TTLL5: variants seen among roughly 807,000 people sequenced by gnomAD.
TTLL5 encodes tubulin polyglutamylase TTLL5.
Under a neutral mutation model 168.4 loss-of-function variants are expected in TTLL5, and 132 were observed. That is an observed-to-expected ratio of 0.78 (90% CI 0.68 to 0.91). The LOEUF (loss-of-function observed/expected upper bound fraction) is 0.91, where lower values mean the gene tolerates loss of function less well. Ranked by LOEUF, TTLL5 falls within the 40% of genes least tolerant of loss-of-function variation. TTLL5 has a pLI of 0.00. For synonymous variants in TTLL5, 546 were observed against 558.6 expected (o/e 0.98, Z 0.32); for missense variants, 1,545 against 1,581.5 (o/e 0.98, Z 0.39).
chr14:75,686,586 A>G (rs1282734714), intron 5 of TTLL5, among the ~76,000 whole-genome samples: 1 of 152,200 alleles, frequency 6.6e-6, no homozygotes, highest in Non-Finnish European at 1.5e-5. Context: ...TTTCCTGGAC[A>G]GTCCTTTTTA....
At chr14:75,674,756 C>A (rs1328731663) in intron 3 of TTLL5, among the ~76,000 whole-genome samples, 1 of 151,872 alleles carries the variant, frequency 6.6e-6, no homozygotes, top group African/African-American at 2.4e-5. Flanking sequence ...TATATACTAG[C>A]AATAGATGTA....
chr14:75,724,177 G>C (rs916238308), intron 12 of TTLL5, among the ~76,000 whole-genome samples: 1 of 152,114 alleles, frequency 6.6e-6, no homozygotes, highest in African/African-American at 2.4e-5. Flanking sequence ...CCATCTTATG[G>C]ATCTCTGCCA....
chr14:75,743,653 C>T (rs1889413476), intron 15 of TTLL5, among the ~76,000 whole-genome samples: 1 of 138,890 alleles, frequency 7.2e-6, no homozygotes, highest in African/African-American at 2.7e-5. Context: ...GTGATCTCAG[C>T]TCACTGCATG....
In TTLL5 at chr14:75,663,175, T is replaced by C. The variant is rs1890864097; in HGVS notation, c.26T>C (p.Leu9Pro). ...ATGCCAATCGTGATGGCCCGGGACC[T>C]GGAGGAAACAGCATCATCCTCAGAG... is the stretch of plus-strand genomic sequence containing the variant. MPIVMARD[L>P]EETASSSEDE... The change falls in exon 2 of 32, where the codon CTG (leucine) becomes CCG (proline). Residue 9 changes from leucine to proline, a missense_variant. Coordinates refer to ENST00000298832, the MANE Select transcript of TTLL5 (RefSeq NM_015072.5). 2 of 1,613,654 alleles carry C rather than the reference T, an allele frequency of 1.2e-6. No homozygotes were observed. The highest frequency in any genetic ancestry group is 2.7e-5 in the African/African-American group (2 of 74,908).
At chr14:75,931,315 G>C (rs533361621) in intron 31 of TTLL5, among the ~76,000 whole-genome samples, 1 of 152,154 alleles carries the variant, frequency 6.6e-6, no homozygotes, top group South Asian at 2.1e-4. Context: ...CCCCTCCTCT[G>C]GTCCCTCCTG....
intron 27 of TTLL5, among the ~76,000 whole-genome samples, chr14:75,813,258 CTGTGTGTGTGTTTGTGTG>C (rs1894168884): frequency 8.6e-6 from 1 of 116,594 alleles, no homozygotes; most frequent in African/African-American, 3.4e-5. Context: ...TATCCAGGCA[CTGTGTGTGTGTTTGTGTG>C]TGTGTGTGTG....
intron 28 of TTLL5, among the ~76,000 whole-genome samples, chr14:75,822,546 C>T (rs1407763809): frequency 6.6e-6 from 1 of 152,160 alleles, no homozygotes; most frequent in Non-Finnish European, 1.5e-5. Flanking sequence ...TAAAGAGAAT[C>T]CCATTGCTAG....
intron 6 of TTLL5, among the ~76,000 whole-genome samples, chr14:75,697,580 C>T (rs1364244413): frequency 6.6e-6 from 1 of 152,076 alleles, no homozygotes; most frequent in Non-Finnish European, 1.5e-5. Flanking sequence ...GAGACTGGCT[C>T]ATGTCAGAGG....
chr14:75,683,045 T>G (rs1354240793), intron 4 of TTLL5, among the ~76,000 whole-genome samples: 1 of 152,222 alleles, frequency 6.6e-6, no homozygotes, highest in African/African-American at 2.4e-5. Flanking sequence ...GTGCTGAGAT[T>G]ACAGGCATGA....
intron 7 of TTLL5, among the ~76,000 whole-genome samples, chr14:75,704,146 C>T (rs1242281926): frequency 1.3e-5 from 2 of 152,136 alleles, no homozygotes; most frequent in Non-Finnish European, 2.9e-5. Context: ...TAACTCAGGT[C>T]CAGATGATTC....
chr14:75,698,761 TG>T (rs919847057), intron 6 of TTLL5, among the ~76,000 whole-genome samples: 1 of 151,882 alleles, frequency 6.6e-6, no homozygotes, highest in South Asian at 2.1e-4. Context: ...AACAATTAGC[TG>T]GGCATGGTGG....
intron 9 of TTLL5, among the ~76,000 whole-genome samples, chr14:75,708,833 G>T (rs1395240748): frequency 1.3e-5 from 2 of 152,216 alleles, no homozygotes; most frequent in East Asian, 3.9e-4. Context: ...CAACTAGTTT[G>T]CCCTGAAGTT....
chr14:75,741,062 G>A (rs888968254), intron 15 of TTLL5, among the ~76,000 whole-genome samples: 3 of 152,154 alleles, frequency 2.0e-5, no homozygotes, highest in Non-Finnish European at 4.4e-5. Flanking sequence ...TTCAACATCT[G>A]TTTCTTACTA....
intron 21 of TTLL5, among the ~76,000 whole-genome samples, chr14:75,773,903 A>T (rs1322052609): frequency 1.5e-4 from 11 of 74,732 alleles, no homozygotes; most frequent in Admixed American, 1.3e-3. Flanking sequence ...AAAAAAAAAA[A>T]ATACATATAT....
At chr14:75,666,933 A>C (rs1450918716) in intron 2 of TTLL5, among the ~76,000 whole-genome samples, 1 of 152,218 alleles carries the variant, frequency 6.6e-6, no homozygotes, top group Non-Finnish European at 1.5e-5. Context: ...GTGGATTTTA[A>C]TATGTACCAG....
rs562877528 is a variant in TTLL5 at position 75,904,202 on chromosome 14, C to CAAAAA, written c.3823+1988_3823+1992dup. On this transcript the variant is annotated intron_variant, in intron 31 of 31. Transcript: ENST00000298832. ...TGGGTATCTATTCACCTCACTCCTC[C>CAAAAA]AAAAAAAAAAAAAAGGAAAGAAAAA... is the stretch of plus-strand genomic sequence containing the variant. The CAAAAA allele has an allele frequency of 6.4e-5, 63 of 987,370 alleles. No homozygotes were observed. In the African/African-American group the frequency reaches 7.6e-4, roughly 12 times the overall value. The allele number at this position is 987,370 out of a possible 1,614,324, so 61.2% of individuals were successfully genotyped here.
At chr14:75,919,989 C>T (rs770135692) in intron 31 of TTLL5, among the ~76,000 whole-genome samples, 29 of 152,080 alleles carry the variant, frequency 1.9e-4, no homozygotes, top group Non-Finnish European at 1.0e-4. Context: ...GGCATAGTGC[C>T]TCACGCCTGT....
chr14:75,689,988 T>C (rs1224821285), intron 5 of TTLL5: 5 of 506,532 alleles, frequency 9.9e-6, no homozygotes, highest in Non-Finnish European at 1.7e-5. Context: ...ATGGAGATTT[T>C]ATCTTAATGA....
At chr14:75,910,826 G>A (rs1431611976) in intron 31 of TTLL5, among the ~76,000 whole-genome samples, 2 of 152,204 alleles carry the variant, frequency 1.3e-5, no homozygotes, top group Non-Finnish European at 2.9e-5. Flanking sequence ...TAAAGAAAAA[G>A]ACTCAGATTC....
Sources: allele counts gnomAD v4.1 joint callset (sites outside exome capture counted in the v4.1 genomes callset), GRCh38; gene constraint gnomAD v4.1.1; transcripts MANE v1.5; gene names NCBI Gene and HGNC (gene_info 2026-07-23, HGNC 2026-07-21).